Variants in STUM observed in about 807,000 individuals in gnomAD.
STUM encodes protein stum homolog.
Under a neutral mutation model 15.3 loss-of-function variants are expected in STUM, and 8 were observed. The observed-to-expected ratio is 0.52, with a 90% CI of 0.31 to 0.94. The LOEUF (loss-of-function observed/expected upper bound fraction) is 0.94. Ranked by LOEUF, STUM falls within the 40% of genes least tolerant of loss-of-function variation. The pLI is 0.05. For synonymous variants in STUM, 78 were observed against 88.7 expected (o/e 0.88, Z 0.68); for missense variants, 142 against 204.9 (o/e 0.69, Z 1.87).
At chr1:226,563,025 G>A (rs1667567295) in intron 1 of STUM, among the ~76,000 whole-genome samples, 1 of 152,206 alleles carries the variant, frequency 6.6e-6, no homozygotes, top group Non-Finnish European at 1.5e-5. Flanking sequence ...AAATAAGAAT[G>A]TGGAGAGAAA....
At position 226,565,854 on chromosome 1, in the gene STUM, C is replaced by T. The variant is rs557091215; in HGVS notation, c.202+16748C>T. ...ATGGCTGGAAGCATCGCTGCCTTCCCGGAATGTCATCTCCCTCTTTCACCT... is the reference window on the plus strand; with the variant it reads ...ATGGCTGGAAGCATCGCTGCCTTCCTGGAATGTCATCTCCCTCTTTCACCT... On this transcript the variant is annotated intron_variant, in intron 1 of 3. Transcript: ENST00000366788. The surrounding 1 kb of genome is among the most constrained non-coding windows in gnomAD (Gnocchi z 4.4). 4.6e-5 allele frequency among the ~76,000 whole-genome samples: 7 copies of T among 152,324 alleles called. No individual in the cohort carries two copies. Among genetic ancestry groups the T allele is most frequent in the Non-Finnish European group, 1.0e-4 (7 of 68,022 alleles).
rs1383596498 is a variant in STUM, at chr1:226,603,170, T to C, written c.*1130T>C. 6.6e-6 allele frequency: 1 copy of C among 152,214 alleles called. No individual in the cohort carries two copies. Among genetic ancestry groups the C allele is most frequent in the Non-Finnish European group, 1.5e-5 (1 of 68,030 alleles). 9.4% of individuals were successfully genotyped at this position (152,214 alleles called of 1,614,324 possible). Reference sequence around the variant, plus strand: ...AACAATTGTATGGGGTTGTGGACCTTGATCTGAAAATCCTGCTTGCAAACA... The same window carrying C: ...AACAATTGTATGGGGTTGTGGACCTCGATCTGAAAATCCTGCTTGCAAACA... On this transcript the variant is annotated 3_prime_UTR_variant, in exon 4 of 4. Transcript: ENST00000366788.
intron 1 of STUM, among the ~76,000 whole-genome samples, chr1:226,573,440 G>T (rs1667753069): frequency 6.6e-6 from 1 of 152,182 alleles, no homozygotes; most frequent in South Asian, 2.1e-4. Context: ...AAAATCCAGG[G>T]CACAGTGGAT....
rs544211149 is a variant in STUM, at chr1:226,591,271, A to G, written c.203-5531A>G. On this transcript the variant is annotated intron_variant, in intron 1 of 3. Coordinates refer to ENST00000366788, the MANE Select transcript of STUM (RefSeq NM_001003665.4). ...GACCTGTTGTCATAGTTTCCTTATT[A>G]GTGATATCTGAGTTCACACAACTGG... Among the ~76,000 whole-genome samples the G allele has an allele frequency of 3.9e-5, 6 of 152,292 alleles. No individual in the cohort carries two copies. In the South Asian group the frequency reaches 6.2e-4, roughly 16 times the overall value.
chr1:226,562,418 G>A (rs1378717367), intron 1 of STUM, among the ~76,000 whole-genome samples: 3 of 151,436 alleles, frequency 2.0e-5, no homozygotes, highest in East Asian at 3.9e-4. Flanking sequence ...GCAGTGAGCC[G>A]AGATTGTGCC....
In STUM at chr1:226,607,320, T is replaced by C. The variant is rs758576743; in HGVS notation, c.*5280T>C. On this transcript the variant is annotated 3_prime_UTR_variant, in exon 4 of 4. Transcript: ENST00000366788. The stretch of plus-strand genomic sequence containing the variant: ...CCCTCAATCCCAGGCCCTGCAGAGA[T>C]AGGAAGAATCCCAACCAGAGGGATT... 1.3e-5 allele frequency: 2 copies of C among 152,238 alleles called. No individual in the cohort carries two copies. Among genetic ancestry groups the C allele is most frequent in the Non-Finnish European group, 2.9e-5 (2 of 68,072 alleles). The allele number at this position is 152,238 out of a possible 1,614,324, so 9.4% of individuals were successfully genotyped here. A position where few individuals can be genotyped will look rare whatever the true frequency, so the allele number is the denominator to read the frequency against.
At chr1:226,587,450 G>A (rs142924636) in intron 1 of STUM, among the ~76,000 whole-genome samples, 36 of 152,208 alleles carry the variant, frequency 2.4e-4, no homozygotes, top group East Asian at 9.7e-4. Context: ...ACCTGATGCC[G>A]CAATACACCT....
Position 226,600,539 on chromosome 1 carries a change from A to G in STUM, c.383-127A>G, listed in dbSNP as rs556410554. 269 of 1,156,688 alleles carry G rather than the reference A, an allele frequency of 2.3e-4. 6 individuals are homozygous for G. In the South Asian group the frequency reaches 3.3e-3, roughly 14 times the overall value. The allele number at this position is 1,156,688 out of a possible 1,614,324, so 71.7% of individuals were successfully genotyped here. A position where few individuals can be genotyped will look rare whatever the true frequency, so the allele number is the denominator to read the frequency against. The stretch of plus-strand genomic sequence containing the variant: ...TGGCATGGCCCCTGTCCCATCTCCC[A>G]GGCCTCACCATGGATCTGCTTTGTT... On this transcript the variant is annotated intron_variant, in intron 2 of 3. Transcript: ENST00000366788. The surrounding 1 kb of genome is among the most constrained non-coding windows in gnomAD (Gnocchi z 5.2).
At chr1:226,569,412 G>A (rs949199385) in intron 1 of STUM, among the ~76,000 whole-genome samples, 1 of 152,176 alleles carries the variant, frequency 6.6e-6, no homozygotes, top group African/African-American at 2.4e-5. Flanking sequence ...TGAGCACAGG[G>A]TGAGTCTTCA....
intron 1 of STUM, among the ~76,000 whole-genome samples, chr1:226,566,405 A>G (rs767401959): frequency 5.9e-5 from 9 of 152,194 alleles, no homozygotes; most frequent in Admixed American, 1.3e-4. Context: ...AGCAGGTTTT[A>G]TAATAGAGAT....
At position 226,567,436 on chromosome 1, in the gene STUM, A is replaced by G. The variant is rs754520375; in HGVS notation, c.202+18330A>G. Among the ~76,000 whole-genome samples, 28 of 152,370 alleles carry G rather than the reference A, an allele frequency of 1.8e-4. No individual in the cohort carries two copies. Among genetic ancestry groups the G allele is most frequent in the Non-Finnish European group, 3.7e-4 (25 of 68,038 alleles). On this transcript the variant is annotated intron_variant, in intron 1 of 3. Coordinates refer to ENST00000366788, the MANE Select transcript of STUM (RefSeq NM_001003665.4). This position sits in a 1 kb window ranked among gnomAD's most constrained non-coding sequence, Gnocchi z 4.5. Reference sequence around the variant, plus strand: ...AAAGTAAGGAAACATTGAATAAGAAATAGTTTTATATTCATCCTGAATGCC... The same window carrying G: ...AAAGTAAGGAAACATTGAATAAGAAGTAGTTTTATATTCATCCTGAATGCC...
chr1:226,580,123 A>G (rs932229468), intron 1 of STUM, among the ~76,000 whole-genome samples: 2 of 68,262 alleles, frequency 2.9e-5, no homozygotes, highest in Non-Finnish European at 5.4e-5. Flanking sequence ...AGAGACATTC[A>G]GAAGTAAAAA....
chr1:226,555,462 A>G (rs708745), intron 1 of STUM, among the ~76,000 whole-genome samples: 134,399 of 152,270 alleles, frequency 0.88, 59,316 homozygotes, highest in East Asian at 0.93. Flanking sequence ...GCAAATGGCG[A>G]CCTCCCAGTG....
At position 226,549,000 on chromosome 1, in the gene STUM, G is replaced by T. The variant is rs1392991495; in HGVS notation, c.96G>T (p.Val32=). The T allele has an allele frequency of 3.2e-6, 5 of 1,561,522 alleles. No homozygotes were observed. The South Asian group carries it at 3.5e-5, about 11-fold the overall frequency. Residue 32 remains valine, a synonymous_variant, in exon 1 of 4, where the codon GTG becomes GTT. Coordinates refer to ENST00000366788, the MANE Select transcript of STUM (RefSeq NM_001003665.4). The stretch of plus-strand genomic sequence containing the variant: ...GGGCGTCCTCGTCCAGCGGGGTGGT[G>T]GTGCAGGTCCGCGAGAAGAAGGGCC... ...PRGASSSSGV[V]VQVREKKGPL... is the part of the protein sequence containing the mutation.
At chr1:226,561,208 G>A (rs1464683303) in intron 1 of STUM, among the ~76,000 whole-genome samples, 1 of 152,180 alleles carries the variant, frequency 6.6e-6, no homozygotes, top group Non-Finnish European at 1.5e-5. Flanking sequence ...GTCTCCTTGA[G>A]GGTAGGGGCT....
At position 226,565,413 on chromosome 1, in the gene STUM, G is replaced by A. The variant is rs562081189; in HGVS notation, c.202+16307G>A. On this transcript the variant is annotated intron_variant, in intron 1 of 3. Transcript: ENST00000366788. The surrounding 1 kb of genome is among the most constrained non-coding windows in gnomAD (Gnocchi z 4.4). The stretch of plus-strand genomic sequence containing the variant: ...TTTTTAGCACCCCTGACTAGACTGT[G>A]GGGTCCTGAACCACCAGCCTTGGCA... 6.6e-6 allele frequency among the ~76,000 whole-genome samples: 1 copy of A among 152,170 alleles called. No homozygotes were observed.
intron 1 of STUM, among the ~76,000 whole-genome samples, chr1:226,571,392 A>T (rs73096994): frequency 5.9e-5 from 9 of 152,264 alleles, no homozygotes; most frequent in African/African-American, 2.2e-4. Context: ...ATATTTTGAG[A>T]AATCGACTTC....
At chr1:226,588,946 A>T (rs544456404) in intron 1 of STUM, among the ~76,000 whole-genome samples, 15 of 151,954 alleles carry the variant, frequency 9.9e-5, no homozygotes, top group African/African-American at 1.5e-4. Flanking sequence ...TCCTCAACCA[A>T]CTCCTCCGGA....
At chr1:226,559,790 C>A (rs1037479902) in intron 1 of STUM, among the ~76,000 whole-genome samples, 2 of 152,082 alleles carry the variant, frequency 1.3e-5, no homozygotes, top group African/African-American at 2.4e-5. Context: ...TGGCTAACAT[C>A]GTGAAACCCC....
Sources: allele counts gnomAD v4.1 joint callset (sites outside exome capture counted in the v4.1 genomes callset), GRCh38; gene constraint gnomAD v4.1.1; non-coding constraint Gnocchi (gnomAD v3.1); transcripts MANE v1.5; gene names NCBI Gene and HGNC (gene_info 2026-07-23, HGNC 2026-07-21).